The following PDE11A variants were observed in gnomAD, a reference collection of about 807,000 sequenced individuals.
PDE11A encodes phosphodiesterase 11A.
A neutral mutation model predicts 100.5 loss-of-function variants in PDE11A; 100 were observed. The ratio of observed to expected loss-of-function variants is 1.00; its 90% confidence interval spans 0.85 to 1.18. PDE11A has a LOEUF of 1.18. Among genes scored for constraint, PDE11A ranks in the 50% most tolerant of loss-of-function variants. PDE11A has a pLI of 0.00. For synonymous variants in PDE11A, 381 were observed against 420.8 expected (o/e 0.91, Z 1.16); for missense variants, 1,141 against 1,152.6 (o/e 0.99, Z 0.15).
intron 9 of PDE11A, among the ~76,000 whole-genome samples, chr2:177,798,268 T>C (rs1040595176): frequency 2.0e-5 from 3 of 152,222 alleles, no homozygotes; most frequent in African/African-American, 7.2e-5. Flanking sequence ...TCCCCTAACA[T>C]ATCTACCTCT....
intron 1 of PDE11A, among the ~76,000 whole-genome samples, chr2:178,053,575 T>C (rs1196265378): frequency 1.3e-5 from 2 of 152,288 alleles, no homozygotes; most frequent in East Asian, 3.9e-4. Context: ...AGTCAAATTG[T>C]CCCTGTTTGC....
chr2:177,824,570 A>G (rs140943709), intron 6 of PDE11A, among the ~76,000 whole-genome samples: 29 of 152,336 alleles, frequency 1.9e-4, no homozygotes, highest in African/African-American at 6.0e-4. Context: ...CCTAAAAAGT[A>G]TAAATACATA....
intron 19 of PDE11A, among the ~76,000 whole-genome samples, chr2:177,651,215 G>A (rs2080303603): frequency 6.6e-6 from 1 of 152,188 alleles, no homozygotes; most frequent in Admixed American, 6.5e-5. Flanking sequence ...GAGACAGGAA[G>A]CTTGGCTATT....
intron 9 of PDE11A, among the ~76,000 whole-genome samples, chr2:177,779,672 A>G (rs2082425154): frequency 6.6e-6 from 1 of 152,224 alleles, no homozygotes; most frequent in Non-Finnish European, 1.5e-5. Flanking sequence ...TCACATATTC[A>G]GGCTCCACTT....
At chr2:177,814,287 A>ATT (rs368780289) in intron 9 of PDE11A, among the ~76,000 whole-genome samples, 1 of 151,602 alleles carries the variant, frequency 6.6e-6, no homozygotes, top group African/African-American at 2.4e-5. Flanking sequence ...TTAAAAATAT[A>ATT]TATTCAGAAG....
At chr2:177,630,210 A>G (rs527539907) in intron 19 of PDE11A, among the ~76,000 whole-genome samples, 1 of 152,188 alleles carries the variant, frequency 6.6e-6, no homozygotes, top group Admixed American at 6.5e-5. Flanking sequence ...GGGTGTGGCC[A>G]GGGGCAGATG....
intron 7 of PDE11A, among the ~76,000 whole-genome samples, chr2:177,819,865 TC>T (rs1558954531): frequency 8.7e-6 from 1 of 115,278 alleles, no homozygotes; most frequent in Non-Finnish European, 1.9e-5. Context: ...TCTCTTTCTC[TC>T]TTTCTCTCTC....
At chr2:178,082,986 T>G (rs532876124) in intron 2 of PDE11A, among the ~76,000 whole-genome samples, 6 of 152,298 alleles carry the variant, frequency 3.9e-5, no homozygotes, top group Admixed American at 1.3e-4. Flanking sequence ...GGCCAAGAGA[T>G]GGTCTGTTCA....
chr2:177,722,746 C>A (rs938006406), intron 12 of PDE11A, among the ~76,000 whole-genome samples: 41 of 152,122 alleles, frequency 2.7e-4, no homozygotes, highest in African/African-American at 9.7e-4. Flanking sequence ...AATTTGCCAT[C>A]TTGTAGGTTA....
Position 177,859,758 on chromosome 2 carries a change from TAAAA to T in PDE11A, c.1367+16097_1367+16100del, listed in dbSNP as rs892967455. Among the ~76,000 whole-genome samples, 6 of 145,024 alleles carry T rather than the reference TAAAA, an allele frequency of 4.1e-5. No individual in the cohort carries two copies. In the South Asian group the frequency reaches 8.7e-4, roughly 21 times the overall value. On this transcript the variant is annotated intron_variant, in intron 5 of 19. Coordinates refer to ENST00000286063, the MANE Select transcript of PDE11A (RefSeq NM_016953.4). The stretch of plus-strand genomic sequence containing the variant: ...AATAAGTTTAAGAGGGCTCATATGA[TAAAA>T]AAAAAAATTCTCCAAACACAATGTG...
chr2:178,061,834 T>G (rs2086973383), intron 1 of PDE11A, among the ~76,000 whole-genome samples: 1 of 152,240 alleles, frequency 6.6e-6, no homozygotes, highest in African/African-American at 2.4e-5. Context: ...TTAGGCTATT[T>G]CTGAAGAACA....
chr2:178,081,613 C>A (rs1488545359), intron 2 of PDE11A, among the ~76,000 whole-genome samples: 1 of 152,136 alleles, frequency 6.6e-6, no homozygotes, highest in African/African-American at 2.4e-5. Context: ...CAAATTTTCC[C>A]CTACTAAATG....
In PDE11A at chr2:178,071,830, T is replaced by G; in HGVS notation, c.608A>C (p.Gln203Pro). The G allele has an allele frequency of 6.2e-7, 1 of 1,614,102 alleles. No individual in the cohort carries two copies. The highest frequency in any genetic ancestry group is 8.5e-7 in the Non-Finnish European group (1 of 1,179,934). The part of the protein sequence containing the change: ...KCHLKKHNER[Q>P]FFLELVKDIS... Reference sequence around the variant, plus strand: ...ATCTTTGACCAATTCCAGAAAGAACTGACGCTCATTATGCTTTTTCAGATG... The same window carrying G: ...ATCTTTGACCAATTCCAGAAAGAACGGACGCTCATTATGCTTTTTCAGATG... The change falls in exon 1 of 20, where the codon CAG becomes CCG. Residue 203 changes from glutamine (Q) to proline (P), a missense_variant. Gln to Pro is a moderately conservative substitution (Grantham distance 76, BLOSUM62 -1). Coordinates refer to ENST00000286063, the MANE Select transcript of PDE11A (RefSeq NM_016953.4).
chr2:177,945,839 C>T (rs1288526381), intron 2 of PDE11A, among the ~76,000 whole-genome samples: 2 of 110,494 alleles, frequency 1.8e-5, no homozygotes, highest in Non-Finnish European at 4.2e-5. Flanking sequence ...GGGGGTCAGC[C>T]CCCCGCCTGG....
At chr2:178,064,402 A>C (rs1475023065) in intron 1 of PDE11A, among the ~76,000 whole-genome samples, 2 of 152,198 alleles carry the variant, frequency 1.3e-5, no homozygotes, top group African/African-American at 4.8e-5. Context: ...AAACAGAATA[A>C]CTTGAAGAGA....
At chr2:177,982,206 A>G (rs1298990566) in intron 2 of PDE11A, among the ~76,000 whole-genome samples, 1 of 150,710 alleles carries the variant, frequency 6.6e-6, no homozygotes, top group Non-Finnish European at 1.5e-5. Context: ...TTCTCCTTAA[A>G]TGTCTTGAGT....
At chr2:177,742,313 C>T (rs1368584400) in intron 10 of PDE11A, among the ~76,000 whole-genome samples, 2 of 152,036 alleles carry the variant, frequency 1.3e-5, no homozygotes, top group Non-Finnish European at 2.9e-5. Context: ...GTATGACAAT[C>T]CCAGTTTGTC....
intron 9 of PDE11A, among the ~76,000 whole-genome samples, chr2:177,814,184 TAAGC>T (rs1370208215): frequency 2.0e-5 from 3 of 152,156 alleles, no homozygotes; most frequent in Non-Finnish European, 4.4e-5. Context: ...TTTATGGGAC[TAAGC>T]AAGTTATAAA....
intron 4 of PDE11A, among the ~76,000 whole-genome samples, chr2:177,882,530 C>T (rs1190058348): frequency 1.3e-5 from 2 of 152,046 alleles, no homozygotes; most frequent in African/African-American, 2.4e-5. Context: ...TATACATTTA[C>T]TAAATGAACA....
Sources: allele counts gnomAD v4.1 joint callset (sites outside exome capture counted in the v4.1 genomes callset), GRCh38; gene constraint gnomAD v4.1.1; transcripts MANE v1.5; gene names NCBI Gene and HGNC (gene_info 2026-07-23, HGNC 2026-07-21).